GNA14: variants seen among roughly 807,000 people sequenced by gnomAD.
The protein encoded by GNA14 is G protein subunit alpha 14.
In GNA14, 50 loss-of-function variants were observed where a neutral mutation model predicts 42.0. That is an observed-to-expected ratio of 1.19 (90% CI 0.95 to 1.51). GNA14 has a LOEUF of 1.51. Ranked by LOEUF, GNA14 falls within the 40% of genes most tolerant of loss-of-function variation. The pLI is 0.00. For synonymous variants in GNA14, 173 were observed against 163.1 expected (o/e 1.06, Z -0.46); for missense variants, 473 against 446.2 (o/e 1.06, Z -0.54).
intron 2 of GNA14, among the ~76,000 whole-genome samples, chr9:77,465,262 A>C (rs1836202794): frequency 6.6e-6 from 1 of 152,214 alleles, no homozygotes; most frequent in Non-Finnish European, 1.5e-5. Flanking sequence ...TATGTCGGAC[A>C]CCACACAATA....
At chr9:77,596,058 C>T (rs930939137) in intron 1 of GNA14, among the ~76,000 whole-genome samples, 6 of 151,978 alleles carry the variant, frequency 3.9e-5, no homozygotes, top group African/African-American at 1.4e-4. Context: ...TTTCTAAGTG[C>T]ACTGCGTATA....
chr9:77,476,939 C>T (rs530177727), intron 2 of GNA14, among the ~76,000 whole-genome samples: 1 of 152,316 alleles, frequency 6.6e-6, no homozygotes, highest in East Asian at 1.9e-4. Flanking sequence ...GGAAAGACTG[C>T]ATGAGTAACA....
intron 2 of GNA14, among the ~76,000 whole-genome samples, chr9:77,485,098 C>G (rs902300578): frequency 6.6e-6 from 1 of 152,116 alleles, no homozygotes; most frequent in Non-Finnish European, 1.5e-5. Flanking sequence ...TAAAAGACTT[C>G]GTGTCATGTG....
chr9:77,531,155 G>A (rs991117123), intron 1 of GNA14, among the ~76,000 whole-genome samples: 3 of 152,142 alleles, frequency 2.0e-5, no homozygotes, highest in Admixed American at 6.5e-5. Context: ...GGCAGGGCCC[G>A]AGATTCACAC....
intron 1 of GNA14, among the ~76,000 whole-genome samples, chr9:77,567,641 TG>T (rs1488088255): frequency 6.6e-6 from 1 of 151,740 alleles, no homozygotes; most frequent in Non-Finnish European, 1.5e-5. Context: ...CCGAGGTGGA[TG>T]GATCACCTGA....
intron 1 of GNA14, among the ~76,000 whole-genome samples, chr9:77,531,454 A>G (rs1837527530): frequency 6.6e-6 from 1 of 152,118 alleles, no homozygotes; most frequent in Non-Finnish European, 1.5e-5. Flanking sequence ...TCAAAGTCCC[A>G]AGTCAGATTA....
At chr9:77,627,241 A>T (rs531984082) in intron 1 of GNA14, among the ~76,000 whole-genome samples, 1 of 152,334 alleles carries the variant, frequency 6.6e-6, no homozygotes, top group East Asian at 1.9e-4. Flanking sequence ...GCAGTAATTA[A>T]TAGCCTATGA....
At position 77,484,633 on chromosome 9, in the gene GNA14, C is replaced by G. The variant is rs202174153; in HGVS notation, c.309+44436G>C. Among the ~76,000 whole-genome samples, 29 of 152,110 alleles carry G rather than the reference C, an allele frequency of 1.9e-4. 1 individual carries two copies. The East Asian group carries it at 5.4e-3, about 28-fold the overall frequency. On this transcript the variant is annotated intron_variant, in intron 2 of 6. Coordinates refer to ENST00000341700, the MANE Select transcript of GNA14 (RefSeq NM_004297.4). ...TTTTATATCTTGTAGTACAGTTGTCCCCTTTATCCATGGAGGGTATATTCC... is the reference window on the plus strand; with the variant it reads ...TTTTATATCTTGTAGTACAGTTGTCGCCTTTATCCATGGAGGGTATATTCC...
intron 1 of GNA14, among the ~76,000 whole-genome samples, chr9:77,536,169 T>C (rs1326486861): frequency 6.6e-6 from 1 of 152,102 alleles, no homozygotes; most frequent in Non-Finnish European, 1.5e-5. Context: ...CTGGAAACAA[T>C]TGGAGACAGG....
chr9:77,464,493 A>AT (rs1279924306), intron 2 of GNA14, among the ~76,000 whole-genome samples: 1 of 151,664 alleles, frequency 6.6e-6, no homozygotes, highest in South Asian at 2.1e-4. Context: ...CACAAAGTCC[A>AT]TTTTTTTCTT....
At chr9:77,553,599 T>C (rs1837811247) in intron 1 of GNA14, among the ~76,000 whole-genome samples, 1 of 152,084 alleles carries the variant, frequency 6.6e-6, no homozygotes, top group Admixed American at 6.5e-5. Flanking sequence ...AATCATGCCA[T>C]ACCATATTTT....
At chr9:77,614,336 A>G (rs1823776977) in intron 1 of GNA14, among the ~76,000 whole-genome samples, 1 of 152,000 alleles carries the variant, frequency 6.6e-6, no homozygotes, top group African/African-American at 2.4e-5. Context: ...TACTCCTTCC[A>G]TCTCATTGTC....
intron 1 of GNA14, among the ~76,000 whole-genome samples, chr9:77,569,513 G>C (rs1034915469): frequency 1.3e-5 from 2 of 152,154 alleles, no homozygotes; most frequent in Non-Finnish European, 2.9e-5. Flanking sequence ...CACAGCTCCT[G>C]CTCCCCAGGA....
At chr9:77,620,083 T>C (rs529319116) in intron 1 of GNA14, among the ~76,000 whole-genome samples, 2 of 151,750 alleles carry the variant, frequency 1.3e-5, no homozygotes, top group African/African-American at 4.9e-5. Context: ...ATTACGTGTG[T>C]GTGCACACAC....
intron 1 of GNA14, among the ~76,000 whole-genome samples, chr9:77,622,218 C>T (rs1047335366): frequency 6.6e-6 from 1 of 152,214 alleles, no homozygotes; most frequent in African/African-American, 2.4e-5. Context: ...GAAATGACCT[C>T]ATGTGCACAC....
At chr9:77,573,341 C>G (rs996876674) in intron 1 of GNA14, among the ~76,000 whole-genome samples, 40 of 152,036 alleles carry the variant, frequency 2.6e-4, no homozygotes, top group African/African-American at 8.9e-4. Flanking sequence ...CCCAGCTACT[C>G]AGGAAGCTGA....
chr9:77,517,887 G>A (rs548721852), intron 2 of GNA14: 22 of 152,026 alleles, frequency 1.4e-4, no homozygotes, highest in Admixed American at 3.3e-4. Context: ...TTACAAGTGT[G>A]AGCCACCATG....
At chr9:77,430,963 T>C (rs1835540178) in intron 4 of GNA14, among the ~76,000 whole-genome samples, 1 of 151,856 alleles carries the variant, frequency 6.6e-6, no homozygotes, top group South Asian at 2.1e-4. Flanking sequence ...ATATGATTCA[T>C]CTTTAAGGAA....
intron 1 of GNA14, among the ~76,000 whole-genome samples, chr9:77,617,964 A>C (rs1395967870): frequency 6.6e-6 from 1 of 151,826 alleles, no homozygotes; most frequent in Non-Finnish European, 1.5e-5. Flanking sequence ...CTAATCTCTT[A>C]CTCTGCTTTA....
Sources: gnomAD v4.1 joint callset for allele counts (sites outside exome capture counted in the v4.1 genomes callset) on GRCh38, gnomAD v4.1.1 for gene constraint, MANE v1.5 for transcripts, NCBI Gene and HGNC (gene_info 2026-07-23, HGNC 2026-07-21) for gene names.